Variants in COG1 observed in about 807,000 individuals in gnomAD.
COG1 encodes the protein conserved oligomeric Golgi complex subunit 1.
Under a neutral mutation model 102.2 loss-of-function variants are expected in COG1, and 61 were observed. The ratio of observed to expected loss-of-function variants is 0.60; its 90% confidence interval spans 0.49 to 0.74. COG1 has a LOEUF of 0.74. COG1 is among the 30% of genes least tolerant of loss of function. The pLI, the probability that COG1 is intolerant of heterozygous loss-of-function variation, is 0.00. For synonymous variants in COG1, 454 were observed against 493.6 expected (o/e 0.92, Z 1.06); for missense variants, 1,164 against 1,232.1 (o/e 0.94, Z 0.83).
intron 9 of COG1, 88 bp downstream of exon 9, chr17:73,203,881 A>C: frequency 6.8e-7 from 1 of 1,468,422 alleles, no homozygotes; most frequent in Non-Finnish European, 9.5e-7. Context: ...GTTCACATCA[A>C]AGACTCAAAC....
At chr17:73,196,049 G>C (rs540981983) in intron 1 of COG1, among the ~76,000 whole-genome samples, 2 of 152,204 alleles carry the variant, frequency 1.3e-5, no homozygotes, top group Non-Finnish European at 2.9e-5. Flanking sequence ...TTGTGGGTCT[G>C]GGAAGTCCAA....
intron 4 of COG1, among the ~76,000 whole-genome samples, chr17:73,199,438 G>A (rs1416610723): frequency 6.6e-6 from 1 of 152,144 alleles, no homozygotes; most frequent in East Asian, 1.9e-4. Flanking sequence ...GACCAGAGTT[G>A]TGGGGCGGCT....
At chr17:73,204,771 G>C (rs1225466813) in intron 9 of COG1, among the ~76,000 whole-genome samples, 1 of 152,052 alleles carries the variant, frequency 6.6e-6, no homozygotes, top group African/African-American at 2.4e-5. Flanking sequence ...TGCCCAGGCT[G>C]GTCTCAAACT....
chr17:73,194,596 T>G (rs2061318262), intron 1 of COG1, among the ~76,000 whole-genome samples: 1 of 151,950 alleles, frequency 6.6e-6, no homozygotes. Flanking sequence ...CCCGCGTAGC[T>G]GGGATTACAG....
chr17:73,196,735 G>C lies in COG1; in HGVS notation c.544G>C (p.Ala182Pro). The C allele has an allele frequency of 6.2e-7, 1 of 1,613,582 alleles. No individual in the cohort carries two copies. Among genetic ancestry groups the C allele is most frequent in the South Asian group, 1.1e-5 (1 of 91,078 alleles). ...RFPILIRQVA[A>P]ASHFRSTILH... is the part of the protein sequence containing the mutation. The stretch of plus-strand genomic sequence containing the variant: ...TCCTATACTCATCCGGCAGGTGGCA[G>C]CCGCCAGCCACTTCCGGTAAGTGGA... Residue 182 changes from alanine to proline, a missense_variant, in exon 2 of 14, where the codon GCC (alanine) becomes CCC (proline). Transcript: ENST00000299886.
chr17:73,205,890 C>T, intron 10 of COG1: 2 of 721,734 alleles, frequency 2.8e-6, no homozygotes, highest in East Asian at 2.7e-5. Context: ...TCTTATTCCC[C>T]TCTCTTCTGA....
At chr17:73,207,563 T>C (rs980479353) in intron 13 of COG1, 4 of 684,786 alleles carry the variant, frequency 5.8e-6, no homozygotes, top group African/African-American at 1.8e-5. Flanking sequence ...CCCGGCACTA[T>C]CATTGTACTT....
rs959647776 is a variant in COG1, at chr17:73,206,118, A to G, written c.2511-36A>G. On this transcript the variant is annotated intron_variant, in intron 10 of 13. Transcript: ENST00000299886. ...TCATAAGATTGTTTTTGATCCTAAA[A>G]AATGTGGACAGTAATGATCCTAATC... The G allele has an allele frequency of 3.3e-6, 5 of 1,497,650 alleles. No homozygotes were observed. The East Asian group carries it at 1.1e-4, about 34-fold the overall frequency. The allele number at this position is 1,497,650 out of a possible 1,614,324, so 92.8% of individuals were successfully genotyped here. A position where few individuals can be genotyped will look rare whatever the true frequency, so the allele number is the denominator to read the frequency against.
chr17:73,207,787 GCTTGT>G lies in COG1; in HGVS notation c.2806-523_2806-519del, dbSNP rs536071992. ...GCATGTGTGTTTGAAAGCTCAAACA[GCTTGT>G]CTTCTTACAGCATCGAGTTGTTTGC... On this transcript the variant is annotated intron_variant, in intron 13 of 13. Coordinates refer to ENST00000299886, the MANE Select transcript of COG1 (RefSeq NM_018714.3). 214 of 1,288,020 alleles carry G rather than the reference GCTTGT, an allele frequency of 1.7e-4. 1 individual carries two copies. The African/African-American group carries it at 2.3e-3, about 14-fold the overall frequency. 79.8% of individuals were successfully genotyped at this position (1,288,020 alleles called of 1,614,324 possible). A position where few individuals can be genotyped will look rare whatever the true frequency, so the allele number is the denominator to read the frequency against.
In COG1 at chr17:73,201,783, G is replaced by C; in HGVS notation, c.1956G>C (p.Gln652His). 6.2e-7 allele frequency: 1 copy of C among 1,614,158 alleles called. No homozygotes were observed. Among genetic ancestry groups the C allele is most frequent in the Non-Finnish European group, 8.5e-7 (1 of 1,180,036 alleles). Reference protein sequence around the residue: ...PAREFRALRKQGKVKTQEIIP... With the variant: ...PAREFRALRKHGKVKTQEIIP... ...GGGAGTTTAGGGCTCTGAGAAAACA[G>C]GGAAAGGTGAAAACTCAGGAAATCA... Residue 652 changes from glutamine (Q) to histidine (H), a missense_variant, in exon 7 of 14, where the codon CAG becomes CAC. By Grantham distance (24) the Gln-to-His change is conservative. Transcript: ENST00000299886.
intron 13 of COG1, chr17:73,207,607 T>C (rs2061385000): frequency 1.0e-6 from 1 of 979,472 alleles, no homozygotes; most frequent in African/African-American, 1.7e-5. Flanking sequence ...CTGGTGATGA[T>C]GGTTTTATCT....
Position 73,194,281 on chromosome 17 carries a change from A to C in COG1, c.315+897A>C, listed in dbSNP as rs1324934576. Among the ~76,000 whole-genome samples, 2 of 147,108 alleles carry C rather than the reference A, an allele frequency of 1.4e-5. 1 individual carries two copies. Among genetic ancestry groups the C allele is most frequent in the Non-Finnish European group, 3.0e-5 (2 of 66,158 alleles). On this transcript the variant is annotated intron_variant, in intron 1 of 13. Transcript: ENST00000299886. ...CACGGTGAAACCCCGTCTCTACTAA[A>C]AATACACAAAATTAGCCAGGCGTGG...
chr17:73,205,661 C>T lies in COG1; in HGVS notation c.2491C>T (p.Arg831Trp), dbSNP rs1297266650. Reference protein sequence around the residue: ...TAKGDEVKSGRSKPDSRIEKV... With the variant: ...TAKGDEVKSGWSKPDSRIEKV... ...CAAGGGTGACGAGGTGAAGAGTGGC[C>T]GGAGCAAGCCAGACTCCAGGTGTCG... Residue 831 changes from arginine to tryptophan, a missense_variant, in exon 10 of 14, where the codon CGG (arginine) becomes TGG (tryptophan). Coordinates refer to ENST00000299886, the MANE Select transcript of COG1 (RefSeq NM_018714.3). The T allele has an allele frequency of 5.6e-6, 9 of 1,613,718 alleles. No homozygotes were observed. Among genetic ancestry groups the T allele is most frequent in the East Asian group, 2.2e-5 (1 of 44,894 alleles).
Position 73,199,871 on chromosome 17 carries a change from G to T in COG1, c.920G>T (p.Gly307Val), listed in dbSNP as rs751959598. The T allele has an allele frequency of 1.2e-6, 2 of 1,614,066 alleles. No homozygotes were observed. The highest frequency in any genetic ancestry group is 2.7e-5 in the African/African-American group (2 of 74,918). ...CACTTGGCCTTCTCTTTAGGAAAGGGCACTGGTGTCCTGCAGGAAGAGATG... is the reference window on the plus strand; with the variant it reads ...CACTTGGCCTTCTCTTTAGGAAAGGTCACTGGTGTCCTGCAGGAAGAGATG... ...TITGQHPAGKGTGVLQEEMKL... is the reference protein window; with the variant it reads ...TITGQHPAGKVTGVLQEEMKL... The change falls in exon 5 of 14, where the codon GGC (glycine) becomes GTC (valine). Residue 307 changes from glycine (G) to valine (V), a missense_variant. Transcript: ENST00000299886.
intron 6 of COG1, 70 bp from the exon 7 acceptor site, chr17:73,201,039 A>G: frequency 1.4e-6 from 2 of 1,386,174 alleles, no homozygotes; most frequent in East Asian, 2.3e-5. Context: ...ATAAATTACC[A>G]TTTGGTACTT....
Position 73,201,480 on chromosome 17 carries a change from G to A in COG1, c.1653G>A (p.Gln551=). ...SSLPKDVSPT[Q]AKSSAFDRYA... is the part of the protein sequence containing the mutation. ...TGCCCAAGGACGTTTCTCCCACACA[G>A]GCCAAGAGTTCTGCCTTTGACAGAT... The change falls in exon 7 of 14, where the codon CAG becomes CAA. Residue 551 remains glutamine (Q), a synonymous_variant. Transcript: ENST00000299886. 1 of 1,614,276 alleles carries A rather than the reference G, an allele frequency of 6.2e-7. No homozygotes were observed. Among genetic ancestry groups the A allele is most frequent in the Non-Finnish European group, 8.5e-7 (1 of 1,180,056 alleles).
chr17:73,202,369 A>T (rs2061350878), intron 7 of COG1, among the ~76,000 whole-genome samples: 1 of 152,252 alleles, frequency 6.6e-6, no homozygotes, highest in Non-Finnish European at 1.5e-5. Flanking sequence ...TTTTTAGCTT[A>T]GATTCAGTAG....
In COG1 at chr17:73,200,786, A is replaced by G. The variant is rs762079846; in HGVS notation, c.1281+10A>G. 15 of 1,612,196 alleles carry G rather than the reference A, an allele frequency of 9.3e-6. No homozygotes were observed. The highest frequency in any genetic ancestry group is 1.3e-5 in the Non-Finnish European group (15 of 1,178,422). On this transcript the variant is annotated intron_variant, in intron 6 of 13. Transcript: ENST00000299886. ...CCTTGACCGATTACAGGTGAGCTGG[A>G]CAGTCACATGGTCTACCTGTTTTAT... is the stretch of plus-strand genomic sequence containing the variant.
chr17:73,199,876 G>C lies in COG1; in HGVS notation c.925G>C (p.Gly309Arg). Residue 309 changes from glycine to arginine, a missense_variant, in exon 5 of 14, where the codon GGT (glycine) becomes CGT (arginine). By Grantham distance (125) the Gly-to-Arg change is moderately radical. Coordinates refer to ENST00000299886, the MANE Select transcript of COG1 (RefSeq NM_018714.3). ...TGQHPAGKGTGVLQEEMKLCS... is the reference protein window; with the variant it reads ...TGQHPAGKGTRVLQEEMKLCS... ...GGCCTTCTCTTTAGGAAAGGGCACT[G>C]GTGTCCTGCAGGAAGAGATGAAACT... 1 of 1,614,166 alleles carries C rather than the reference G, an allele frequency of 6.2e-7. No homozygotes were observed.
Sources: gnomAD v4.1 joint callset for allele counts (sites outside exome capture counted in the v4.1 genomes callset) on GRCh38, gnomAD v4.1.1 for gene constraint, MANE v1.5 for transcripts, NCBI Gene and HGNC (gene_info 2026-07-23, HGNC 2026-07-21) for gene names.